Variants in NHSL1 observed in about 807,000 individuals in gnomAD.
NHSL1 encodes NHS like 1.
A neutral mutation model predicts 95.0 loss-of-function variants in NHSL1; 48 were observed. The observed-to-expected ratio is 0.51, with a 90% CI of 0.40 to 0.64. The LOEUF is 0.64. Ranked by LOEUF, NHSL1 falls within the 30% of genes least tolerant of loss-of-function variation. The probability of loss-of-function intolerance (pLI) is 0.00; values close to 1 mark genes in which losing one functional copy is unlikely to be tolerated. For synonymous variants in NHSL1, 783 were observed against 833.9 expected, an observed-to-expected ratio of 0.94 and a Z score of 1.05; for missense variants, 1,971 against 2,077.7, an observed-to-expected ratio of 0.95 and a Z score of 1.00.
At chr6:138,611,824 T>G (rs1014680323) in intron 1 of NHSL1, among the ~76,000 whole-genome samples, 4 of 151,892 alleles carry the variant, frequency 2.6e-5, no homozygotes, top group Non-Finnish European at 5.9e-5. Context: ...AAAAAATATG[T>G]TGAGGCCAAG....
chr6:138,425,622 C>T (rs747170822), intron 7 of NHSL1, among the ~76,000 whole-genome samples: 34 of 152,164 alleles, frequency 2.2e-4, no homozygotes, highest in Admixed American at 1.8e-3. Context: ...CTCTCCTAGA[C>T]GGGCTGATCC....
At chr6:138,435,364 T>A (rs900317867) in intron 5 of NHSL1, 2 of 152,650 alleles carry the variant, frequency 1.3e-5, no homozygotes, top group Admixed American at 6.5e-5. Flanking sequence ...GATTTTTAAC[T>A]GTCTTTAAGT....
chr6:138,423,947 G>A lies in NHSL1; in HGVS notation c.*134C>T. On this transcript the variant is annotated 3_prime_UTR_variant, in exon 8 of 8. Coordinates refer to ENST00000343505, the MANE Select transcript of NHSL1 (RefSeq NM_001144060.2). ...ACCGTTCACTCACACTGCAGGGCTG[G>A]CAACCCCGGGGCCCACAGCACAGAA... 3 of 920,478 alleles carry A rather than the reference G, an allele frequency of 3.3e-6. No homozygotes were observed. Among genetic ancestry groups the A allele is most frequent in the South Asian group, 5.1e-5 (1 of 19,680 alleles). The allele number at this position is 920,478 out of a possible 1,614,324, so 57.0% of individuals were successfully genotyped here. A position where few individuals can be genotyped will look rare whatever the true frequency, so the allele number is the denominator to read the frequency against.
intron 1 of NHSL1, among the ~76,000 whole-genome samples, chr6:138,649,454 T>C (rs189583153): frequency 1.3e-3 from 192 of 151,804 alleles, no homozygotes; most frequent in African/African-American, 4.6e-3. Flanking sequence ...AATTCTATTT[T>C]TTTTTTCTTT....
intron 1 of NHSL1, among the ~76,000 whole-genome samples, chr6:138,584,288 C>G (rs1191411452): frequency 1.4e-5 from 1 of 71,646 alleles, no homozygotes; most frequent in Non-Finnish European, 2.4e-5. Flanking sequence ...AAATTGATCT[C>G]TATTGCAAAT....
At chr6:138,459,725 A>G (rs1208243446) in intron 3 of NHSL1, among the ~76,000 whole-genome samples, 2 of 152,166 alleles carry the variant, frequency 1.3e-5, no homozygotes, top group African/African-American at 4.8e-5. Context: ...AGGCAGATAA[A>G]TTTTGTTAAG....
chr6:138,631,090 C>T (rs751164852), intron 1 of NHSL1, among the ~76,000 whole-genome samples: 16 of 152,176 alleles, frequency 1.1e-4, no homozygotes, highest in East Asian at 1.9e-4. Context: ...AGGCACTGAA[C>T]TCAGTGCTGC....
intron 1 of NHSL1, among the ~76,000 whole-genome samples, chr6:138,532,304 T>A (rs963624397): frequency 7.2e-5 from 11 of 152,232 alleles, no homozygotes; most frequent in Admixed American, 2.0e-4. Context: ...AATTTACACT[T>A]CATCCTGAAG....
chr6:138,432,889 G>T lies in NHSL1; in HGVS notation c.1456C>A (p.His486Asn), dbSNP rs951645627. The T allele has an allele frequency of 1.9e-6, 3 of 1,551,550 alleles. No individual in the cohort carries two copies. The highest frequency in any genetic ancestry group is 1.4e-5 in the African/African-American group (1 of 73,044). The stretch of plus-strand genomic sequence containing the variant: ...AACAGTGCGGGTTCACCAGGGGAAT[G>T]AGGGTCTAAGTCCTGTGAAAGAATG... ...ATILSQDLDP[H>N]SPGEPALLSL... The change falls in exon 6 of 8, where the codon CAT (histidine) becomes AAT (asparagine). Residue 486 changes from histidine (H) to asparagine (N), a missense_variant. Around this residue, in one of 3 missense-constraint regions of NHSL1, gnomAD observed 1,602 missense variants for 1,654.5 expected, o/e 0.97. Transcript: ENST00000343505. This position sits in a 1 kb window ranked among gnomAD's most constrained non-coding sequence, Gnocchi z 4.4.
At chr6:138,617,953 T>C (rs1391552416) in intron 1 of NHSL1, among the ~76,000 whole-genome samples, 1 of 152,168 alleles carries the variant, frequency 6.6e-6, no homozygotes, top group Non-Finnish European at 1.5e-5. Context: ...CCACCAAACA[T>C]TTCTCATGAA....
Position 138,431,797 on chromosome 6 carries a change from T to G in NHSL1, c.2548A>C (p.Ser850Arg). 6.4e-7 allele frequency: 1 copy of G among 1,551,690 alleles called. No homozygotes were observed. The highest frequency in any genetic ancestry group is 8.7e-7 in the Non-Finnish European group (1 of 1,146,996). Residue 850 changes from serine (S) to arginine (R), a missense_variant, in exon 6 of 8, where the codon AGT becomes CGT. Ser to Arg is a moderately radical substitution (Grantham distance 110). Around this residue, in one of 3 missense-constraint regions of NHSL1, gnomAD observed 1,602 missense variants for 1,654.5 expected, o/e 0.97. Transcript: ENST00000343505. The surrounding 1 kb of genome is among the most constrained non-coding windows in gnomAD (Gnocchi z 4.0). The stretch of plus-strand genomic sequence containing the variant: ...GTATTCGACTGGCTGGAATACCCAC[T>G]GGATGGAGAAATGACTCTGTGTGAC... The part of the protein sequence containing the change: ...EKSHRVISPS[S>R]GYSSQSNTPT...
chr6:138,529,027 C>T lies in NHSL1; in HGVS notation c.16+16596G>A, dbSNP rs571278644. On this transcript the variant is annotated intron_variant, in intron 1 of 4. Transcript: ENST00000342260. Reference sequence around the variant, plus strand: ...AGAATGAGCCTTTTATATTCTACTACCCAAAACAATCTTCATTCCTTGAAT... The same window carrying T: ...AGAATGAGCCTTTTATATTCTACTATCCAAAACAATCTTCATTCCTTGAAT... Among the ~76,000 whole-genome samples the T allele has an allele frequency of 5.3e-5, 8 of 152,288 alleles. No individual in the cohort carries two copies. In the South Asian group the frequency reaches 1.7e-3, roughly 32 times the overall value.
chr6:138,605,108 T>A (rs1784416172), intron 1 of NHSL1, among the ~76,000 whole-genome samples: 1 of 152,198 alleles, frequency 6.6e-6, no homozygotes, highest in African/African-American at 2.4e-5. Context: ...AACAGTAACA[T>A]CTTACATAAC....
At chr6:138,583,705 GAC>G (rs1418719388) in intron 1 of NHSL1, among the ~76,000 whole-genome samples, 1 of 152,144 alleles carries the variant, frequency 6.6e-6, no homozygotes, top group African/African-American at 2.4e-5. Context: ...ACTCTCTCCT[GAC>G]AGATGAACTC....
intron 1 of NHSL1, among the ~76,000 whole-genome samples, chr6:138,584,291 T>TGTTTCTATATTCAGTC (rs11275547): frequency 6.6e-6 from 1 of 151,982 alleles, no homozygotes; most frequent in Non-Finnish European, 1.5e-5. Flanking sequence ...TTGATCTCTA[T>TGTTTCTATATTCAGTC]TGCAAATTTG....
chr6:138,644,061 T>C (rs1784988618), intron 1 of NHSL1, among the ~76,000 whole-genome samples: 1 of 151,786 alleles, frequency 6.6e-6, no homozygotes, highest in Non-Finnish European at 1.5e-5. Context: ...CAGAAAAGTG[T>C]TTCGGTTATT....
intron 5 of NHSL1, 69 bp from the exon 6 acceptor site, chr6:138,433,749 C>A: frequency 4.3e-6 from 6 of 1,388,248 alleles, no homozygotes; most frequent in Non-Finnish European, 5.6e-6. Context: ...TGTACCCTCA[C>A]CCCTCTGACA....
intron 3 of NHSL1, among the ~76,000 whole-genome samples, chr6:138,468,302 A>T (rs1045380674): frequency 1.3e-5 from 2 of 152,146 alleles, no homozygotes; most frequent in Non-Finnish European, 2.9e-5. Context: ...ATTATGTTAC[A>T]ATTATCTAGA....
chr6:138,579,641 A>T (rs1387835334), intron 1 of NHSL1, among the ~76,000 whole-genome samples: 1 of 152,202 alleles, frequency 6.6e-6, no homozygotes, highest in Non-Finnish European at 1.5e-5. Flanking sequence ...GCCAAATCAA[A>T]AAGCAGCCTA....
Sources: allele counts gnomAD v4.1 joint callset (sites outside exome capture counted in the v4.1 genomes callset), GRCh38; gene constraint gnomAD v4.1.1; regional missense constraint gnomAD v4.1.1; non-coding constraint Gnocchi (gnomAD v3.1); transcripts MANE v1.5; gene names NCBI Gene and HGNC (gene_info 2026-07-23, HGNC 2026-07-21).